PAN2: variants seen among roughly 807,000 people sequenced by gnomAD.
PAN2 encodes the protein PAN2-PAN3 deadenylation complex catalytic subunit PAN2.
PAN2 carries 68 observed loss-of-function variants against 133.3 expected under a neutral mutation model. The ratio of observed to expected loss-of-function variants is 0.51; its 90% CI spans 0.42 to 0.62. The LOEUF is 0.62. Among genes scored for constraint, PAN2 ranks in the 20% least tolerant of loss-of-function variants. PAN2 has a pLI of 0.00. For missense variants in PAN2, 1,042 were observed against 1,500.5 expected, an observed-to-expected ratio of 0.69 and a Z score of 5.05; for synonymous variants, 462 against 544.6, an observed-to-expected ratio of 0.85 and a Z score of 2.11.
chr12:56,318,628 G>A (rs1231698255), intron 24 of PAN2, 194 bp from the exon 25 acceptor site: 6 of 573,854 alleles, frequency 1.0e-5, no homozygotes, highest in Middle Eastern at 4.6e-4. Flanking sequence ...ACTAACTGAG[G>A]GTCTCCCCTA....
Position 56,324,523 on chromosome 12 carries a change from T to C in PAN2, c.1729-30A>G, listed in dbSNP as rs1484837594. 1.9e-6 allele frequency: 3 copies of C among 1,612,408 alleles called. No individual in the cohort carries two copies. In the South Asian group the frequency reaches 3.3e-5, roughly 18 times the overall value. ...AAATGTGTTGGTGGAAAGGGGTTAT[T>C]TTGTCTTTTGTGTCCACCTTCCTTC... On this transcript the variant is annotated intron_variant, in intron 11 of 25. Transcript: ENST00000440411.
intron 5 of PAN2, 78 bp from the exon 6 acceptor site, chr12:56,327,709 C>T: frequency 6.6e-7 from 1 of 1,509,802 alleles, no homozygotes; most frequent in Non-Finnish European, 9.1e-7. Context: ...CCAGTGGGGT[C>T]CCTACCAAAG....
intron 2 of PAN2, among the ~76,000 whole-genome samples, chr12:56,331,384 T>C (rs1176550771): frequency 6.6e-6 from 1 of 152,230 alleles, no homozygotes; most frequent in African/African-American, 2.4e-5. Context: ...TCTACTCATG[T>C]TGCAAGACTC....
At chr12:56,332,600 GAAA>G (rs373985446) in intron 2 of PAN2, 6,985 of 315,602 alleles carry the variant, frequency 0.022, no homozygotes, top group East Asian at 0.027. Flanking sequence ...ACCCTGTCTC[GAAA>G]AAAAAAAAAA....
chr12:56,317,555 T>G lies in PAN2; in HGVS notation c.*54A>C. 6.5e-7 allele frequency: 1 copy of G among 1,537,978 alleles called. No homozygotes were observed. The highest frequency in any genetic ancestry group is 9.0e-7 in the Non-Finnish European group (1 of 1,112,024). The stretch of plus-strand genomic sequence containing the variant: ...CCAACTTAGGAAGCCATCTCCCAGT[T>G]CTGGGGCTATAGAACAGTAAAGGGA... On this transcript the variant is annotated 3_prime_UTR_variant, in exon 26 of 26. Coordinates refer to ENST00000440411, the MANE Select transcript of PAN2 (RefSeq NM_014871.6).
At chr12:56,321,757 A>G (rs1565632650) in intron 20 of PAN2, among the ~76,000 whole-genome samples, 1 of 151,494 alleles carries the variant, frequency 6.6e-6, no homozygotes, top group Non-Finnish European at 1.5e-5. Flanking sequence ...AGGCTGAGGC[A>G]GGAGAATCGC....
rs1171163225 is a variant in PAN2, at chr12:56,325,124, G to C, written c.1484C>G (p.Thr495Ser). 1 of 1,613,692 alleles carries C rather than the reference G, an allele frequency of 6.2e-7. No individual in the cohort carries two copies. ...HMVSKKYRKV[T>S]IKYSKLGLED... ...CAGCCCTAGCTTGGAATATTTGATG[G>C]TCACCTAAGGTAGAAATTGTCTGAG... Residue 495 changes from threonine (T) to serine (S), a missense_variant, in exon 10 of 26, where the codon ACC (threonine) becomes AGC (serine). Coordinates refer to ENST00000440411, the MANE Select transcript of PAN2 (RefSeq NM_014871.6).
intron 2 of PAN2, among the ~76,000 whole-genome samples, chr12:56,330,742 C>T (rs1875735141): frequency 6.6e-6 from 1 of 152,100 alleles, no homozygotes; most frequent in South Asian, 2.1e-4. Flanking sequence ...ACCCTCCCAC[C>T]TTGGCTTATC....
At chr12:56,325,312 C>A in intron 9 of PAN2, 23 bp downstream of exon 9, 2 of 1,613,598 alleles carry the variant, frequency 1.2e-6, no homozygotes, top group Non-Finnish European at 1.7e-6. Context: ...CCACATCCCA[C>A]AGGCCCTGAT....
At position 56,328,601 on chromosome 12, in the gene PAN2, T is replaced by G; in HGVS notation, c.323A>C (p.Tyr108Ser). 6.2e-7 allele frequency: 1 copy of G among 1,614,126 alleles called. No homozygotes were observed. Among genetic ancestry groups the G allele is most frequent in the Non-Finnish European group, 8.5e-7 (1 of 1,179,998 alleles). The change falls in exon 3 of 26, where the codon TAC (tyrosine) becomes TCC (serine). Residue 108 changes from tyrosine (Y) to serine (S), a missense_variant. This residue lies in a region of PAN2 where 908 missense variants were observed against 1,223.5 expected (regional missense o/e 0.74). Transcript: ENST00000440411. ...ACTGCCATTGACTTGAAAGGATGAG[T>G]AGCGCTCCAAGGCTGGGCCAAAAAA... ...TSFFGPALER[Y>S]SSFQVNGSDD...
chr12:56,330,703 G>T (rs1192296287), intron 2 of PAN2, among the ~76,000 whole-genome samples: 1 of 151,978 alleles, frequency 6.6e-6, no homozygotes, highest in Non-Finnish European at 1.5e-5. Context: ...ATGTTGCCCA[G>T]ACTGGTATTG....
In PAN2 at chr12:56,330,359, T is replaced by TTTC. The variant is rs1555167254; in HGVS notation, c.283-1719_283-1718insGAA. Among the ~76,000 whole-genome samples, 594 of 99,552 alleles carry TTTC rather than the reference T, an allele frequency of 6.0e-3. 3 individuals carry two copies. Among genetic ancestry groups the TTTC allele is most frequent in the Middle Eastern group, 8.9e-3 (2 of 224 alleles). The allele number at this position is 99,552 out of a possible 152,430, so 65.3% of individuals were successfully genotyped here. A position where few individuals can be genotyped will look rare whatever the true frequency, so the allele number is the denominator to read the frequency against. The stretch of plus-strand genomic sequence containing the variant: ...CTTACTCAACTGTATTTTTCTTTTT[T>TTTC]TTTTTTTTTTTTTTTTTTGAGACGG... On this transcript the variant is annotated intron_variant, in intron 2 of 25. Coordinates refer to ENST00000440411, the MANE Select transcript of PAN2 (RefSeq NM_014871.6).
intron 3 of PAN2, 44 bp downstream of exon 3, chr12:56,328,428 A>G: frequency 6.2e-7 from 1 of 1,609,328 alleles, no homozygotes; most frequent in Non-Finnish European, 8.5e-7. Context: ...TTCCCACCCT[A>G]TGAGGCATCC....
intron 24 of PAN2, 36 bp from the exon 25 acceptor site, chr12:56,318,470 G>A (rs1351884395): frequency 5.2e-6 from 8 of 1,542,052 alleles, no homozygotes; most frequent in Non-Finnish European, 5.4e-6. Flanking sequence ...TTGGGACCCA[G>A]CAAAGGGAGG....
chr12:56,318,581 A>G, intron 24 of PAN2, 147 bp from the exon 25 acceptor site: 1 of 618,442 alleles, frequency 1.6e-6, no homozygotes, highest in Non-Finnish European at 2.9e-6. Flanking sequence ...CACAGAAGGG[A>G]TATTGAAGTT....
At position 56,333,898 on chromosome 12, in the gene PAN2, G is replaced by A. The variant is rs1876194867; in HGVS notation, c.-151C>T. ...CATGGCGGATATTTTGGAGCGCGTG[G>A]AATTAGAACGAGTAGGGGGAGCGCA... On this transcript the variant is annotated 5_prime_UTR_variant, in exon 1 of 26. Transcript: ENST00000440411. 1 of 152,254 alleles carries A rather than the reference G, an allele frequency of 6.6e-6. No homozygotes were observed. The highest frequency in any genetic ancestry group is 6.5e-5 in the Admixed American group (1 of 15,278). 9.4% of individuals were successfully genotyped at this position (152,254 alleles called of 1,614,324 possible).
At chr12:56,322,846 T>TGGGGGTTG in intron 17 of PAN2, 88 bp from the exon 18 acceptor site, 1 of 655,126 alleles carries the variant, frequency 1.5e-6, no homozygotes. Context: ...GTTGGGGGTA[T>TGGGGGTTG]GGGGGATGGG....
chr12:56,326,616 C>CCTGGGAG lies in PAN2; in HGVS notation c.1256_1262dup (p.Arg421SerfsTer46), dbSNP rs763953246. 1 of 1,610,308 alleles carries CCTGGGAG rather than the reference C, an allele frequency of 6.2e-7. No individual in the cohort carries two copies. The highest frequency in any genetic ancestry group is 2.2e-5 in the East Asian group (1 of 44,770). ...CTTTTGGCCCAGAGGTAGGGTACAA[C>CCTGGGAG]CTGGGAGCTGGAGCAGAGTTGGCAG... On this transcript the variant is annotated frameshift_variant and splice_region_variant. Coordinates refer to ENST00000440411, the MANE Select transcript of PAN2 (RefSeq NM_014871.6). LOFTEE classifies it high-confidence loss of function.
chr12:56,322,770 G>T lies in PAN2; in HGVS notation c.2494-12C>A, dbSNP rs1874698655. On this transcript the variant is annotated splice_polypyrimidine_tract_variant and intron_variant, in intron 17 of 25. Transcript: ENST00000440411. Reference sequence around the variant, plus strand: ...CTGGCTGGGCCCCACTGTGAGGGGGGTACCCAGGCTGCTAAGCTAAGTTTA... The same window carrying T: ...CTGGCTGGGCCCCACTGTGAGGGGGTTACCCAGGCTGCTAAGCTAAGTTTA... The T allele has an allele frequency of 1.3e-6, 2 of 1,598,994 alleles. No individual in the cohort carries two copies. The highest frequency in any genetic ancestry group is 1.7e-6 in the Non-Finnish European group (2 of 1,172,138).
Sources: allele counts gnomAD v4.1 joint callset (sites outside exome capture counted in the v4.1 genomes callset), GRCh38; gene constraint gnomAD v4.1.1; regional missense constraint gnomAD v4.1.1; transcripts MANE v1.5; gene names NCBI Gene and HGNC (gene_info 2026-07-23, HGNC 2026-07-21).